ITGA8: variants seen among roughly 807,000 people sequenced by gnomAD.
ITGA8 encodes integrin subunit alpha 8.
A neutral mutation model predicts 142.3 loss-of-function variants in ITGA8; 91 were observed. That is an observed-to-expected ratio of 0.64 (90% CI 0.54 to 0.76). The LOEUF (loss-of-function observed/expected upper bound fraction) is 0.76, where lower values mean the gene tolerates loss of function less well. ITGA8 is among the 30% of genes least tolerant of loss of function. The pLI is 0.00. For synonymous variants in ITGA8, 505 were observed against 485.2 expected, an observed-to-expected ratio of 1.04 and a Z score of -0.54; for missense variants, 1,406 against 1,327.7, an observed-to-expected ratio of 1.06 and a Z score of -0.92.
chr10:15,702,392 G>A (rs889696547), intron 2 of ITGA8, among the ~76,000 whole-genome samples: 5 of 151,722 alleles, frequency 3.3e-5, no homozygotes, highest in African/African-American at 1.2e-4. Flanking sequence ...CCGGATTCAA[G>A]CGATTCTCCT....
At chr10:15,673,361 G>A (rs1333963891) in intron 6 of ITGA8, among the ~76,000 whole-genome samples, 1 of 152,130 alleles carries the variant, frequency 6.6e-6, no homozygotes, top group African/African-American at 2.4e-5. Context: ...GGGATTACAG[G>A]TGTGAGCCAC....
Position 15,701,510 on chromosome 10 carries a change from A to T in ITGA8, c.344-13472T>A, listed in dbSNP as rs147548536. Among the ~76,000 whole-genome samples, 678 of 152,138 alleles carry T rather than the reference A, an allele frequency of 4.5e-3. 10 individuals are homozygous for T. Among genetic ancestry groups the T allele is most frequent in the African/African-American group, 0.015 (634 of 41,514 alleles). On this transcript the variant is annotated intron_variant, in intron 2 of 29. Transcript: ENST00000378076. The stretch of plus-strand genomic sequence containing the variant: ...TTCTTTTTTTTTTCTTCATGGGAAT[A>T]TGCATTTCAGAGCAGGAGTGAGGGG...
intron 10 of ITGA8, among the ~76,000 whole-genome samples, chr10:15,658,288 A>G (rs1263048455): frequency 2.0e-5 from 3 of 152,210 alleles, no homozygotes; most frequent in East Asian, 3.8e-4. Flanking sequence ...GGCCCTTTTT[A>G]CAGTGACCTT....
At chr10:15,584,151 G>T (rs967168302) in intron 23 of ITGA8, among the ~76,000 whole-genome samples, 5 of 152,064 alleles carry the variant, frequency 3.3e-5, no homozygotes, top group Admixed American at 2.6e-4. Context: ...ACAAAAATTA[G>T]CTGGGCATGG....
chr10:15,562,704 C>T (rs1377159206), intron 25 of ITGA8, among the ~76,000 whole-genome samples: 2 of 152,160 alleles, frequency 1.3e-5, no homozygotes, highest in African/African-American at 2.4e-5. Flanking sequence ...TGTTGTTGAC[C>T]AGTGGCAGAA....
intron 28 of ITGA8, among the ~76,000 whole-genome samples, chr10:15,520,467 G>A (rs779513330): frequency 6.6e-6 from 1 of 152,110 alleles, no homozygotes; most frequent in Non-Finnish European, 1.5e-5. Context: ...GGGGACTGGA[G>A]CCCATTTCAT....
intron 22 of ITGA8, among the ~76,000 whole-genome samples, chr10:15,590,318 T>C (rs1186093364): frequency 6.6e-6 from 1 of 152,218 alleles, no homozygotes; most frequent in Non-Finnish European, 1.5e-5. Context: ...TCAATGATGA[T>C]CTACAGGATG....
At chr10:15,520,368 A>G (rs373207885) in intron 28 of ITGA8, among the ~76,000 whole-genome samples, 1 of 152,296 alleles carries the variant, frequency 6.6e-6, no homozygotes, top group East Asian at 1.9e-4. Flanking sequence ...AGCCAAGATC[A>G]TGCCACTGCA....
In ITGA8 at chr10:15,531,159, TA is replaced by T; in HGVS notation, c.2881-9del. The T allele has an allele frequency of 7.4e-7, 1 of 1,357,436 alleles. No homozygotes were observed. Among genetic ancestry groups the T allele is most frequent in the Non-Finnish European group, 1.0e-6 (1 of 1,002,020 alleles). 84.1% of individuals were successfully genotyped at this position (1,357,436 alleles called of 1,614,324 possible). A position where few individuals can be genotyped will look rare whatever the true frequency, so the allele number is the denominator to read the frequency against. ...ATAGGGATCATTTTTTCTCTGAAAGTAAAAGTATTTATTTAAATATATTTCA... is the reference window on the plus strand; with the variant it reads ...ATAGGGATCATTTTTTCTCTGAAAGTAAAGTATTTATTTAAATATATTTCA... On this transcript the variant is annotated splice_polypyrimidine_tract_variant and intron_variant, in intron 27 of 29. Transcript: ENST00000378076.
chr10:15,613,570 A>G, intron 15 of ITGA8, 90 bp downstream of exon 15: 2 of 936,810 alleles, frequency 2.1e-6, no homozygotes, highest in Non-Finnish European at 3.5e-6. Context: ...GCCCTACCCC[A>G]GACTTACTGA....
At chr10:15,670,775 C>A (rs897946253) in intron 8 of ITGA8, among the ~76,000 whole-genome samples, 6 of 152,126 alleles carry the variant, frequency 3.9e-5, no homozygotes, top group Non-Finnish European at 8.8e-5. Flanking sequence ...TTGAATAGAT[C>A]CCAGAATTGT....
intron 14 of ITGA8, among the ~76,000 whole-genome samples, chr10:15,614,046 T>C (rs562602636): frequency 6.6e-5 from 10 of 152,216 alleles, no homozygotes; most frequent in Non-Finnish European, 1.2e-4. Context: ...AATTTCATTA[T>C]GAAGTGGGCC....
intron 28 of ITGA8, among the ~76,000 whole-genome samples, chr10:15,529,510 G>T (rs1382118902): frequency 6.6e-6 from 1 of 152,160 alleles, no homozygotes; most frequent in African/African-American, 2.4e-5. Flanking sequence ...ACCTGCCTGT[G>T]CTAGAAGCTC....
intron 2 of ITGA8, among the ~76,000 whole-genome samples, chr10:15,694,163 A>T (rs1834987193): frequency 7.0e-6 from 1 of 143,640 alleles, no homozygotes; most frequent in Non-Finnish European, 1.5e-5. Context: ...CAGATAATAT[A>T]TCATATATCA....
At chr10:15,526,897 A>T (rs1476579392) in intron 28 of ITGA8, among the ~76,000 whole-genome samples, 2 of 152,208 alleles carry the variant, frequency 1.3e-5, no homozygotes, top group Non-Finnish European at 2.9e-5. Flanking sequence ...GAAAGACCAT[A>T]AATAAACCTT....
At chr10:15,616,450 A>G in intron 14 of ITGA8, 64 bp downstream of exon 14, 1 of 1,204,214 alleles carries the variant, frequency 8.3e-7, no homozygotes, top group Non-Finnish European at 1.2e-6. Context: ...TCTTTAAGGC[A>G]GAACTAACAA....
chr10:15,642,082 C>T (rs12360517), intron 13 of ITGA8, among the ~76,000 whole-genome samples: 137,378 of 152,116 alleles, frequency 0.9, 63,459 homozygotes, highest in Non-Finnish European at 1. Context: ...GGGCTGAGAT[C>T]GTGCCACTGC....
chr10:15,671,664 G>T lies in ITGA8; in HGVS notation c.803-17C>A, dbSNP rs185811674. 1.9e-6 allele frequency: 3 copies of T among 1,603,736 alleles called. No homozygotes were observed. In the Admixed American group the frequency reaches 5.0e-5, roughly 27 times the overall value. ...CTGAGTATCCTGTTTTAAAGAAAAA[G>T]AAACAAACTAATCACACTTAATGAC... is the stretch of plus-strand genomic sequence containing the variant. On this transcript the variant is annotated splice_polypyrimidine_tract_variant and intron_variant, in intron 7 of 29. Coordinates refer to ENST00000378076, the MANE Select transcript of ITGA8 (RefSeq NM_003638.3).
chr10:15,531,097 T>A lies in ITGA8; in HGVS notation c.2935A>T (p.Met979Leu), dbSNP rs927110275. The A allele has an allele frequency of 2.5e-6, 4 of 1,585,242 alleles. No homozygotes were observed. The highest frequency in any genetic ancestry group is 3.4e-6 in the Non-Finnish European group (4 of 1,169,556). The stretch of plus-strand genomic sequence containing the variant: ...TTTGCTGGCTGATCTGTATAAGGCA[T>A]CTTCTTAACTTCAAAGGACACCAGG... ...ASLVSFEVKK[M>L]PYTDQPAKLP... The change falls in exon 28 of 30, where the codon ATG becomes TTG. Residue 979 changes from methionine (M) to leucine (L), a missense_variant. Physicochemically the swap from Met to Leu is conservative, Grantham distance 15. Transcript: ENST00000378076.
Sources: gnomAD v4.1 joint callset for allele counts (sites outside exome capture counted in the v4.1 genomes callset) on GRCh38, gnomAD v4.1.1 for gene constraint, MANE v1.5 for transcripts, NCBI Gene and HGNC (gene_info 2026-07-23, HGNC 2026-07-21) for gene names.